Variants in FAM240A observed in about 807,000 individuals in gnomAD.
The protein encoded by FAM240A is family with sequence similarity 240 member A, also known as protein FAM240A.
In FAM240A, 8 loss-of-function variants were observed where a neutral mutation model predicts 7.3. The ratio of observed to expected loss-of-function variants is 1.09; its 90% CI spans 0.64 to 1.97. The LOEUF (loss-of-function observed/expected upper bound fraction) is 1.97. Ranked by LOEUF, FAM240A falls within the 30% of genes most tolerant of loss-of-function variation. The pLI is 0.00. For missense variants in FAM240A, 90 were observed against 102.2 expected (o/e 0.88, Z 0.52); for synonymous variants, 32 against 35.9 (o/e 0.89, Z 0.38).
intron 2 of FAM240A, 50 bp downstream of exon 2, chr3:46,617,378 C>T: frequency 6.9e-7 from 1 of 1,457,670 alleles, no homozygotes; most frequent in Non-Finnish European, 9.1e-7. Flanking sequence ...TTTTAAAATA[C>T]ATCGTATAAT....
intron 1 of FAM240A, among the ~76,000 whole-genome samples, chr3:46,616,073 G>A (rs1425956158): frequency 1.3e-5 from 2 of 152,272 alleles, no homozygotes; most frequent in Non-Finnish European, 2.9e-5. Context: ...CCTGGTGCAT[G>A]TTCCTGCTAC....
At chr3:46,624,007 C>G (rs1426910757) in intron 2 of FAM240A, among the ~76,000 whole-genome samples, 1 of 151,984 alleles carries the variant, frequency 6.6e-6, no homozygotes, top group African/African-American at 2.4e-5. Flanking sequence ...TCCATGTTAT[C>G]TCTTCTGTTG....
At position 46,625,474 on chromosome 3, in the gene FAM240A, A is replaced by T. The variant is rs1411918900; in HGVS notation, c.*256A>T. 1 of 246,332 alleles carries T rather than the reference A, an allele frequency of 4.1e-6. No homozygotes were observed. Among genetic ancestry groups the T allele is most frequent in the South Asian group, 1.1e-4 (1 of 9,382 alleles). The allele number at this position is 246,332 out of a possible 1,614,324, so 15.3% of individuals were successfully genotyped here. A position where few individuals can be genotyped will look rare whatever the true frequency, so the allele number is the denominator to read the frequency against. On this transcript the variant is annotated 3_prime_UTR_variant, in exon 3 of 3. Transcript: ENST00000640551. The stretch of plus-strand genomic sequence containing the variant: ...ATAGCTTATTTAATATCGAAGCTCC[A>T]TGCAGCATTCCTTGCTTCTATATAA...
intron 2 of FAM240A, among the ~76,000 whole-genome samples, chr3:46,621,185 T>C (rs1697689076): frequency 6.6e-6 from 1 of 152,240 alleles, no homozygotes; most frequent in African/African-American, 2.4e-5. Flanking sequence ...TAATTTTTTC[T>C]GTATGTACTT....
chr3:46,615,030 A>G (rs777667818), intron 1 of FAM240A, among the ~76,000 whole-genome samples: 28 of 152,158 alleles, frequency 1.8e-4, no homozygotes, highest in Admixed American at 1.2e-3. Flanking sequence ...TAGGGTCAAA[A>G]TCGGTCTTCA....
rs137999277 is a variant in FAM240A, at chr3:46,615,850, G to GCGCACACACA, written c.16-1332_16-1331insGCACACACAC. Among the ~76,000 whole-genome samples, 470 of 150,336 alleles carry GCGCACACACA rather than the reference G, an allele frequency of 3.1e-3. 3 individuals carry two copies. Among genetic ancestry groups the GCGCACACACA allele is most frequent in the African/African-American group, 0.011 (445 of 41,022 alleles). On this transcript the variant is annotated intron_variant, in intron 1 of 2. Coordinates refer to ENST00000640551, the MANE Select transcript of FAM240A (RefSeq NM_001195442.2). Reference sequence around the variant, plus strand: ...CACACAAGAGCCCACATGTGTGCACGCACACACACACACACACACCTCAAA... The same window carrying GCGCACACACA: ...CACACAAGAGCCCACATGTGTGCACGCGCACACACACACACACACACACACACACCTCAAA...
intron 2 of FAM240A, among the ~76,000 whole-genome samples, chr3:46,624,482 G>C (rs1427844653): frequency 1.3e-5 from 2 of 151,946 alleles, no homozygotes; most frequent in South Asian, 2.1e-4. Context: ...ATATTGGCCA[G>C]GCTGGTCTCG....
rs1697752258 is a variant in FAM240A at position 46,625,548 on chromosome 3, A to G, written c.*330A>G. ...AATATTTTAAACTCTAAACACACCA[A>G]GAGGAATCCTCAACCTTCATGGTCA... is the stretch of plus-strand genomic sequence containing the variant. On this transcript the variant is annotated 3_prime_UTR_variant, in exon 3 of 3. Transcript: ENST00000640551. 6.2e-6 allele frequency: 1 copy of G among 161,416 alleles called. No individual in the cohort carries two copies. Among genetic ancestry groups the G allele is most frequent in the African/African-American group, 2.4e-5 (1 of 41,788 alleles). 10.0% of individuals were successfully genotyped at this position (161,416 alleles called of 1,614,324 possible). A position where few individuals can be genotyped will look rare whatever the true frequency, so the allele number is the denominator to read the frequency against.
At chr3:46,615,363 G>C (rs537615115) in intron 1 of FAM240A, among the ~76,000 whole-genome samples, 17 of 152,014 alleles carry the variant, frequency 1.1e-4, no homozygotes, top group Non-Finnish European at 1.5e-4. Flanking sequence ...CTGTGCACAG[G>C]CAGAGCCAGG....
In FAM240A at chr3:46,612,602, C is replaced by T. The variant is rs1487401465; in HGVS notation, c.-82C>T. The T allele has an allele frequency of 9.0e-7, 1 of 1,105,744 alleles. No homozygotes were observed. The highest frequency in any genetic ancestry group is 1.3e-6 in the Non-Finnish European group (1 of 753,220). The allele number at this position is 1,105,744 out of a possible 1,614,324, so 68.5% of individuals were successfully genotyped here. On this transcript the variant is annotated 5_prime_UTR_variant, in exon 1 of 3. Coordinates refer to ENST00000640551, the MANE Select transcript of FAM240A (RefSeq NM_001195442.2). ...TGTTGATTTGCTGAACGTGAATTGG[C>T]TCCTGGGGCAGCACAGATGCCTCAC... is the stretch of plus-strand genomic sequence containing the variant.
chr3:46,612,804 A>T, intron 1 of FAM240A, 106 bp downstream of exon 1: 4 of 872,348 alleles, frequency 4.6e-6, no homozygotes, highest in Non-Finnish European at 7.3e-6. Context: ...AGCAGCACGA[A>T]TTCTCTCAAG....
At chr3:46,617,638 T>G (rs1697646171) in intron 2 of FAM240A, among the ~76,000 whole-genome samples, 1 of 152,218 alleles carries the variant, frequency 6.6e-6, no homozygotes, top group Non-Finnish European at 1.5e-5. Flanking sequence ...TACATTCCTT[T>G]AATTCTTATC....
chr3:46,619,118 C>T (rs1697668606), intron 2 of FAM240A, among the ~76,000 whole-genome samples: 1 of 152,104 alleles, frequency 6.6e-6, no homozygotes, highest in African/African-American at 2.4e-5. Context: ...GTTCCCCTCC[C>T]TCTTCTGCAC....
chr3:46,618,743 G>C (rs982330288), intron 2 of FAM240A, among the ~76,000 whole-genome samples: 1 of 151,924 alleles, frequency 6.6e-6, no homozygotes, highest in Non-Finnish European at 1.5e-5. Flanking sequence ...GGGAGGCTGA[G>C]GCAGGAGAAT....
At chr3:46,613,527 A>ATAAATAAAT (rs71098423) in intron 1 of FAM240A, among the ~76,000 whole-genome samples, 4 of 150,376 alleles carry the variant, frequency 2.7e-5, no homozygotes, top group African/African-American at 4.9e-5. Flanking sequence ...AAATAAATAA[A>ATAAATAAAT]AAACAAGACA....
intron 1 of FAM240A, among the ~76,000 whole-genome samples, chr3:46,616,762 T>C (rs566595153): frequency 2.0e-5 from 3 of 151,742 alleles, no homozygotes; most frequent in East Asian, 3.9e-4. Flanking sequence ...CATAAGTTAA[T>C]GAGCACTTAG....
chr3:46,612,815 T>A, intron 1 of FAM240A, 117 bp downstream of exon 1: 1 of 812,182 alleles, frequency 1.2e-6, no homozygotes, highest in Non-Finnish European at 2.0e-6. Flanking sequence ...TTCTCTCAAG[T>A]ACAAGATTAG....
intron 2 of FAM240A, among the ~76,000 whole-genome samples, chr3:46,623,870 C>T (rs1697724850): frequency 6.6e-6 from 1 of 152,158 alleles, no homozygotes; most frequent in Non-Finnish European, 1.5e-5. Flanking sequence ...ACACCATTAA[C>T]ATTAATTGGT....
At chr3:46,618,615 C>T (rs950940215) in intron 2 of FAM240A, among the ~76,000 whole-genome samples, 31 of 151,844 alleles carry the variant, frequency 2.0e-4, no homozygotes, top group African/African-American at 7.5e-4. Flanking sequence ...CTGAGGTGGG[C>T]GGATCACCTG....
Sources: allele counts gnomAD v4.1 joint callset (sites outside exome capture counted in the v4.1 genomes callset), GRCh38; gene constraint gnomAD v4.1.1; transcripts MANE v1.5; gene names NCBI Gene and HGNC (gene_info 2026-07-23, HGNC 2026-07-21).